Variants in ABHD3 observed in about 807,000 individuals in gnomAD.
ABHD3 encodes the protein abhydrolase domain containing 3, phospholipase.
In ABHD3, 46 loss-of-function variants were observed where a neutral mutation model predicts 48.8. The observed-to-expected ratio is 0.94, with a 90% CI of 0.74 to 1.20. The LOEUF (loss-of-function observed/expected upper bound fraction) is 1.20, where lower values mean the gene tolerates loss of function less well. Ranked by LOEUF, ABHD3 falls within the 50% of genes most tolerant of loss-of-function variation. The pLI is 0.00. For synonymous variants in ABHD3, 192 were observed against 183.7 expected (o/e 1.04, Z -0.36); for missense variants, 490 against 497.8 (o/e 0.98, Z 0.15).
intron 5 of ABHD3, chr18:21,663,562 C>T: frequency 9.7e-7 from 1 of 1,027,376 alleles, no homozygotes. Flanking sequence ...ATGACAATAT[C>T]CGTATGCTTA....
intron 4 of ABHD3, among the ~76,000 whole-genome samples, chr18:21,680,825 TTTG>T (rs1335554930): frequency 4.0e-5 from 6 of 151,644 alleles, no homozygotes; most frequent in Non-Finnish European, 5.9e-5. Flanking sequence ...CTCCTTCCTA[TTTG>T]TTGTTTCTTT....
chr18:21,693,609 G>A (rs910300772), intron 3 of ABHD3, among the ~76,000 whole-genome samples: 1 of 152,128 alleles, frequency 6.6e-6, no homozygotes, highest in African/African-American at 2.4e-5. Flanking sequence ...AACAATTAGT[G>A]CCCTAGAGAA....
chr18:21,673,249 T>A (rs1468955547), intron 4 of ABHD3, among the ~76,000 whole-genome samples: 1 of 152,172 alleles, frequency 6.6e-6, no homozygotes, highest in Non-Finnish European at 1.5e-5. Flanking sequence ...ATACCTGGAC[T>A]CCACCCTTGA....
intron 3 of ABHD3, among the ~76,000 whole-genome samples, chr18:21,685,201 T>G (rs1367043420): frequency 1.3e-5 from 2 of 152,250 alleles, no homozygotes; most frequent in Non-Finnish European, 2.9e-5. Context: ...GATTACCTAT[T>G]CAACCAACCA....
intron 8 of ABHD3, 46 bp from the exon 9 acceptor site, chr18:21,651,809 G>A: frequency 4.4e-6 from 6 of 1,371,166 alleles, no homozygotes; most frequent in Non-Finnish European, 3.9e-6. Context: ...GAAGGAGAGA[G>A]AAAAATATAA....
intron 5 of ABHD3, among the ~76,000 whole-genome samples, chr18:21,662,912 A>G (rs894844905): frequency 2.0e-5 from 3 of 152,200 alleles, no homozygotes; most frequent in African/African-American, 7.2e-5. Flanking sequence ...TTATATGATT[A>G]AGGGAAAAGT....
chr18:21,669,860 G>A (rs2039717082), intron 4 of ABHD3, among the ~76,000 whole-genome samples: 1 of 152,146 alleles, frequency 6.6e-6, no homozygotes, highest in Non-Finnish European at 1.5e-5. Flanking sequence ...GGGCTGGTAA[G>A]TTGGATTCTC....
intron 6 of ABHD3, 129 bp downstream of exon 6, chr18:21,659,041 A>G (rs901518394): frequency 1.2e-5 from 11 of 892,902 alleles, no homozygotes; most frequent in Middle Eastern, 3.4e-4. Context: ...GGGTTTCACC[A>G]TGTTGGCCAG....
chr18:21,655,398 T>C (rs2039322526), intron 8 of ABHD3, among the ~76,000 whole-genome samples: 1 of 151,472 alleles, frequency 6.6e-6, no homozygotes, highest in African/African-American at 2.4e-5. Context: ...GCAATTCTCC[T>C]GCCTCAGCCT....
chr18:21,652,636 G>A (rs1477775401), intron 8 of ABHD3, among the ~76,000 whole-genome samples: 1 of 151,782 alleles, frequency 6.6e-6, no homozygotes, highest in Non-Finnish European at 1.5e-5. Context: ...TTGGATGGGC[G>A]TGGTGGCACG....
chr18:21,661,593 TGC>T (rs2039499743), intron 5 of ABHD3, among the ~76,000 whole-genome samples: 1 of 151,822 alleles, frequency 6.6e-6, no homozygotes, highest in Non-Finnish European at 1.5e-5. Flanking sequence ...ATCGCACCAC[TGC>T]ACTCCAGTCC....
intron 4 of ABHD3, among the ~76,000 whole-genome samples, chr18:21,678,411 C>A (rs1568151305): frequency 6.6e-6 from 1 of 152,014 alleles, no homozygotes. Flanking sequence ...TCTGCATGAT[C>A]CTATAACTAA....
chr18:21,670,264 G>A lies in ABHD3; in HGVS notation c.556-6034C>T, dbSNP rs561403035. 2.0e-5 allele frequency among the ~76,000 whole-genome samples: 3 copies of A among 152,236 alleles called. No homozygotes were observed. The South Asian group carries it at 6.2e-4, about 32-fold the overall frequency. ...AGGAAGCCCTCAAAAAGGCATACGTGGGAATGGTAAGTGCCAAGGGGGTAA... is the reference window on the plus strand; with the variant it reads ...AGGAAGCCCTCAAAAAGGCATACGTAGGAATGGTAAGTGCCAAGGGGGTAA... On this transcript the variant is annotated intron_variant, in intron 4 of 8. Coordinates refer to ENST00000289119, the MANE Select transcript of ABHD3 (RefSeq NM_138340.5).
chr18:21,673,336 C>T (rs1483292062), intron 4 of ABHD3, among the ~76,000 whole-genome samples: 1 of 152,202 alleles, frequency 6.6e-6, no homozygotes, highest in Non-Finnish European at 1.5e-5. Flanking sequence ...TCTTGTTGCC[C>T]AGGCTGGAGT....
At chr18:21,685,342 C>G (rs1391859700) in intron 3 of ABHD3, among the ~76,000 whole-genome samples, 1 of 152,170 alleles carries the variant, frequency 6.6e-6, no homozygotes, top group Non-Finnish European at 1.5e-5. Context: ...GTTTAGATCT[C>G]AAGGCACACC....
At chr18:21,654,131 C>A (rs1473857505) in intron 8 of ABHD3, among the ~76,000 whole-genome samples, 1 of 151,932 alleles carries the variant, frequency 6.6e-6, no homozygotes, top group Non-Finnish European at 1.5e-5. Context: ...GGATTACAGG[C>A]GTGAGCCACT....
At chr18:21,702,162 G>GA in intron 3 of ABHD3, 154 bp downstream of exon 3, 2 of 649,600 alleles carry the variant, frequency 3.1e-6, no homozygotes, top group Non-Finnish European at 4.8e-6. Flanking sequence ...TTCCTGAAAA[G>GA]AAAGAGGAAA....
intron 4 of ABHD3, among the ~76,000 whole-genome samples, chr18:21,676,673 A>G (rs1465033912): frequency 6.6e-6 from 1 of 152,206 alleles, no homozygotes; most frequent in Non-Finnish European, 1.5e-5. Flanking sequence ...TTACCCGCAT[A>G]AGCCACCGCA....
At chr18:21,700,114 GA>G (rs1431078369) in intron 3 of ABHD3, among the ~76,000 whole-genome samples, 1 of 151,428 alleles carries the variant, frequency 6.6e-6, no homozygotes, top group Non-Finnish European at 1.5e-5. Flanking sequence ...TTTTGAGACA[GA>G]GTCTCGCTCT....
Sources: gnomAD v4.1 joint callset for allele counts (sites outside exome capture counted in the v4.1 genomes callset) on GRCh38, gnomAD v4.1.1 for gene constraint, MANE v1.5 for transcripts, NCBI Gene and HGNC (gene_info 2026-07-23, HGNC 2026-07-21) for gene names.